The following MAP2K5 variants were observed in gnomAD, a reference collection of about 807,000 sequenced individuals.
MAP2K5 encodes mitogen-activated protein kinase kinase 5.
MAP2K5 carries 49 observed loss-of-function variants against 83.1 expected under a neutral mutation model. The ratio of observed to expected loss-of-function variants is 0.59; its 90% CI spans 0.47 to 0.75. The LOEUF (loss-of-function observed/expected upper bound fraction) is 0.75, where lower values mean the gene tolerates loss of function less well. Ranked by LOEUF, MAP2K5 falls within the 30% of genes least tolerant of loss-of-function variation. MAP2K5 has a pLI of 0.00. For synonymous variants in MAP2K5, 202 were observed against 191.8 expected (o/e 1.05, Z -0.44); for missense variants, 457 against 557.5 (o/e 0.82, Z 1.82).
intron 13 of MAP2K5, among the ~76,000 whole-genome samples, chr15:67,666,119 A>G (rs1195535439): frequency 1.3e-5 from 2 of 152,200 alleles, no homozygotes; most frequent in African/African-American, 4.8e-5. Context: ...TTAAAAGGGC[A>G]GTGCCATGGA....
intron 19 of MAP2K5, among the ~76,000 whole-genome samples, chr15:67,761,656 T>C (rs1403735643): frequency 6.6e-6 from 1 of 152,236 alleles, no homozygotes; most frequent in Non-Finnish European, 1.5e-5. Flanking sequence ...TGTTGGTTTT[T>C]CAGGACACGG....
At chr15:67,622,442 A>T (rs1166766283) in intron 8 of MAP2K5, among the ~76,000 whole-genome samples, 2 of 152,208 alleles carry the variant, frequency 1.3e-5, no homozygotes, top group African/African-American at 4.8e-5. Context: ...CTTTTAATTC[A>T]GCAGTTAGAA....
chr15:67,624,974 T>G (rs1269797832), intron 8 of MAP2K5, among the ~76,000 whole-genome samples: 2 of 152,222 alleles, frequency 1.3e-5, no homozygotes, highest in African/African-American at 4.8e-5. Context: ...ATATGCATAT[T>G]CTGTCGCGGC....
rs1180293817 is a variant in MAP2K5 at position 67,778,336 on chromosome 15, G to T, written c.1242+5584G>T. Among the ~76,000 whole-genome samples, 1 of 152,106 alleles carries T rather than the reference G, an allele frequency of 6.6e-6. No homozygotes were observed. The highest frequency in any genetic ancestry group is 2.4e-5 in the African/African-American group (1 of 41,390). On this transcript the variant is annotated intron_variant, in intron 21 of 21. Coordinates refer to ENST00000178640, the MANE Select transcript of MAP2K5 (RefSeq NM_145160.3). The surrounding 1 kb of genome is among the most constrained non-coding windows in gnomAD (Gnocchi z 5.0). ...CTGCGTGGTCCCTTTAAAAATCAGGGTAACCATGATGTTAGATTTTTGTCT... is the reference window on the plus strand; with the variant it reads ...CTGCGTGGTCCCTTTAAAAATCAGGTTAACCATGATGTTAGATTTTTGTCT...
rs1200381281 is a variant in MAP2K5 at position 67,638,052 on chromosome 15, ATTTT to A, written c.585+7129_585+7132del. On this transcript the variant is annotated intron_variant, in intron 9 of 21. Coordinates refer to ENST00000178640, the MANE Select transcript of MAP2K5 (RefSeq NM_145160.3). This position sits in a 1 kb window ranked among gnomAD's most constrained non-coding sequence, Gnocchi z 4.5. The stretch of plus-strand genomic sequence containing the variant: ...AATTTTTTAAAAATTAAAAAAGTTA[ATTTT>A]TTTAACTTTTAATTTAACTTTTTTA... 6.6e-6 allele frequency among the ~76,000 whole-genome samples: 1 copy of A among 151,678 alleles called. No individual in the cohort carries two copies. Among genetic ancestry groups the A allele is most frequent in the African/African-American group, 2.4e-5 (1 of 41,286 alleles).
intron 8 of MAP2K5, among the ~76,000 whole-genome samples, chr15:67,609,033 TG>T (rs2085847208): frequency 6.6e-6 from 1 of 152,164 alleles, no homozygotes; most frequent in Non-Finnish European, 1.5e-5. Context: ...CTCTGGGAAG[TG>T]GTGAACTCCT....
At chr15:67,629,003 G>T in intron 8 of MAP2K5, 2 of 758,188 alleles carry the variant, frequency 2.6e-6, no homozygotes, top group South Asian at 2.7e-5. Context: ...GACCCGTGAA[G>T]GGAGGAAACT....
chr15:67,725,495 G>C (rs1374402943), intron 16 of MAP2K5, among the ~76,000 whole-genome samples: 1 of 152,228 alleles, frequency 6.6e-6, no homozygotes, highest in Non-Finnish European at 1.5e-5. Context: ...GACTATATGT[G>C]TGGTGGGCAA....
chr15:67,692,668 C>G, intron 14 of MAP2K5, 116 bp downstream of exon 14: 2 of 723,898 alleles, frequency 2.8e-6, no homozygotes, highest in South Asian at 1.8e-5. Flanking sequence ...AACTCTGCAT[C>G]TTTTCCTCAT....
intron 8 of MAP2K5, among the ~76,000 whole-genome samples, chr15:67,621,848 A>G (rs999528571): frequency 2.6e-5 from 4 of 152,186 alleles, no homozygotes; most frequent in Non-Finnish European, 2.9e-5. Flanking sequence ...GGGAGACATA[A>G]TAAATTAATA....
In MAP2K5 at chr15:67,769,719, C is replaced by T; in HGVS notation, c.1196+56C>T. ...CAATGTAAATGATACATGCCATTAA[C>T]TCGGCAGCTCCGTGAGACCTTATGG... is the stretch of plus-strand genomic sequence containing the variant. On this transcript the variant is annotated intron_variant, in intron 20 of 21. Transcript: ENST00000178640. The surrounding 1 kb of genome is among the most constrained non-coding windows in gnomAD (Gnocchi z 5.2). 1 of 1,561,476 alleles carries T rather than the reference C, an allele frequency of 6.4e-7. No homozygotes were observed. The highest frequency in any genetic ancestry group is 1.4e-5 in the African/African-American group (1 of 73,986).
intron 16 of MAP2K5, among the ~76,000 whole-genome samples, chr15:67,713,753 G>C (rs567176954): frequency 2.0e-5 from 3 of 151,912 alleles, no homozygotes; most frequent in African/African-American, 7.2e-5. Flanking sequence ...AAAAAAAGTG[G>C]CATGGATCAC....
chr15:67,748,290 T>C lies in MAP2K5; in HGVS notation c.1101+33T>C. ...TTATGAGTTCAGAAAAAAATTCACT[T>C]TTCTTTTTCCTGATGGCTGCTTCCT... On this transcript the variant is annotated intron_variant, in intron 18 of 21. Coordinates refer to ENST00000178640, the MANE Select transcript of MAP2K5 (RefSeq NM_145160.3). The surrounding 1 kb of genome is among the most constrained non-coding windows in gnomAD (Gnocchi z 4.0). 6.4e-7 allele frequency: 1 copy of C among 1,570,008 alleles called. No homozygotes were observed. The highest frequency in any genetic ancestry group is 8.8e-7 in the Non-Finnish European group (1 of 1,142,082).
intron 8 of MAP2K5, among the ~76,000 whole-genome samples, chr15:67,605,265 G>A (rs2085755567): frequency 6.6e-6 from 1 of 151,938 alleles, no homozygotes; most frequent in African/African-American, 2.4e-5. Flanking sequence ...ATGTTGGCCA[G>A]GATGGTCTGG....
chr15:67,727,659 A>G (rs765462069), intron 16 of MAP2K5, among the ~76,000 whole-genome samples: 17 of 152,244 alleles, frequency 1.1e-4, no homozygotes, highest in Non-Finnish European at 2.4e-4. Context: ...GAATATTACT[A>G]AGGGAAACCA....
chr15:67,671,129 AC>A (rs2087524585), intron 13 of MAP2K5, among the ~76,000 whole-genome samples: 1 of 152,164 alleles, frequency 6.6e-6, no homozygotes, highest in Admixed American at 6.6e-5. Flanking sequence ...CTGGATGATC[AC>A]TCAGATTTCT....
At chr15:67,655,145 C>T (rs578219577) in intron 11 of MAP2K5, among the ~76,000 whole-genome samples, 2 of 151,846 alleles carry the variant, frequency 1.3e-5, no homozygotes, top group South Asian at 4.1e-4. Context: ...CTATTATTGT[C>T]ATATAAGTTA....
chr15:67,751,054 G>A (rs1220345778), intron 19 of MAP2K5, among the ~76,000 whole-genome samples: 2 of 152,190 alleles, frequency 1.3e-5, no homozygotes, highest in African/African-American at 2.4e-5. Flanking sequence ...GAGTGAAGAT[G>A]TAGTAAAACA....
intron 6 of MAP2K5, among the ~76,000 whole-genome samples, chr15:67,589,416 T>C (rs1466434347): frequency 6.6e-6 from 1 of 152,232 alleles, no homozygotes; most frequent in Non-Finnish European, 1.5e-5. Flanking sequence ...CACATGGTGT[T>C]CCTAGGCCAT....
Sources: allele counts gnomAD v4.1 joint callset (sites outside exome capture counted in the v4.1 genomes callset), GRCh38; gene constraint gnomAD v4.1.1; non-coding constraint Gnocchi (gnomAD v3.1); transcripts MANE v1.5; gene names NCBI Gene and HGNC (gene_info 2026-07-23, HGNC 2026-07-21).